FAR2: variants seen among roughly 807,000 people sequenced by gnomAD.
The protein encoded by FAR2 is fatty acyl-CoA reductase 2, also known as epididymis secretory protein Li 81.
A neutral mutation model predicts 56.0 loss-of-function variants in FAR2; 19 were observed. The observed-to-expected ratio is 0.34, with a 90% CI of 0.24 to 0.50. The LOEUF is 0.50. FAR2 is among the 20% of genes least tolerant of loss of function. The probability of loss-of-function intolerance (pLI) is 0.98; values close to 1 mark genes in which losing one functional copy is unlikely to be tolerated. For missense variants in FAR2, 508 were observed against 642.2 expected, an observed-to-expected ratio of 0.79 and a Z score of 2.26; for synonymous variants, 219 against 218.8, an observed-to-expected ratio of 1.00 and a Z score of -0.01.
At chr12:29,325,707 A>T (rs1180137643) in intron 10 of FAR2, among the ~76,000 whole-genome samples, 1 of 152,236 alleles carries the variant, frequency 6.6e-6, no homozygotes, top group Non-Finnish European at 1.5e-5. Flanking sequence ...ACCAACGAGA[A>T]CAAAGACACA....
intron 2 of FAR2, among the ~76,000 whole-genome samples, chr12:29,274,232 C>T (rs1382482232): frequency 1.5e-5 from 2 of 134,548 alleles, no homozygotes; most frequent in Non-Finnish European, 3.1e-5. Flanking sequence ...TGTGATGTTC[C>T]CCTTCCTGTG....
At chr12:29,160,819 G>A (rs777285385) in intron 1 of FAR2, among the ~76,000 whole-genome samples, 21 of 151,804 alleles carry the variant, frequency 1.4e-4, no homozygotes, top group Non-Finnish European at 2.6e-4. Flanking sequence ...TATGGGATTA[G>A]GGACCCCCCC....
At chr12:29,228,124 A>G (rs1428966271) in intron 1 of FAR2, among the ~76,000 whole-genome samples, 1 of 150,220 alleles carries the variant, frequency 6.7e-6, no homozygotes, top group Non-Finnish European at 1.5e-5. Flanking sequence ...TAGAACTTAG[A>G]GTATAATAAA....
intron 1 of FAR2, among the ~76,000 whole-genome samples, chr12:29,238,003 C>G (rs943308653): frequency 1.3e-4 from 20 of 152,196 alleles, no homozygotes; most frequent in African/African-American, 4.6e-4. Flanking sequence ...GTAAAATATT[C>G]ATCTAATGAG....
intron 1 of FAR2, among the ~76,000 whole-genome samples, chr12:29,201,602 A>C (rs1438373664): frequency 6.6e-6 from 1 of 152,172 alleles, no homozygotes; most frequent in African/African-American, 2.4e-5. Flanking sequence ...ATTACAGTGA[A>C]ACTTATAAGA....
chr12:29,302,236 GAAAAAAAA>G (rs57752714), intron 4 of FAR2, among the ~76,000 whole-genome samples: 17 of 93,082 alleles, frequency 1.8e-4, no homozygotes, highest in Admixed American at 1.2e-3. Flanking sequence ...CATCTCAAAG[GAAAAAAAA>G]AAAAAAAAAA....
chr12:29,205,315 G>A (rs932646680), intron 1 of FAR2, among the ~76,000 whole-genome samples: 1 of 152,178 alleles, frequency 6.6e-6, no homozygotes, highest in Non-Finnish European at 1.5e-5. Flanking sequence ...CAGGGATAAA[G>A]CATTATTTTA....
intron 1 of FAR2, among the ~76,000 whole-genome samples, chr12:29,245,115 G>A (rs1380552530): frequency 6.6e-6 from 1 of 152,002 alleles, no homozygotes; most frequent in African/African-American, 2.4e-5. Context: ...CGAGTAGCTG[G>A]GACTACAGGC....
intron 2 of FAR2, among the ~76,000 whole-genome samples, chr12:29,279,523 T>C (rs1948753269): frequency 1.3e-5 from 2 of 152,354 alleles, no homozygotes; most frequent in South Asian, 4.1e-4. Flanking sequence ...CTGAGTTTAG[T>C]ACACAAATTC....
At chr12:29,194,521 C>CCACACA (rs3222956) in intron 1 of FAR2, among the ~76,000 whole-genome samples, 41,876 of 140,590 alleles carry the variant, frequency 0.3, 7,271 homozygotes, top group Admixed American at 0.45. Context: ...GCTAGTGATG[C>CCACACA]CACACACACA....
At chr12:29,286,170 CTAT>C (rs1054130643) in intron 2 of FAR2, among the ~76,000 whole-genome samples, 3 of 151,986 alleles carry the variant, frequency 2.0e-5, no homozygotes, top group Non-Finnish European at 4.4e-5. Context: ...GGGAATTTTC[CTAT>C]TATTAGGGAA....
intron 1 of FAR2, among the ~76,000 whole-genome samples, chr12:29,155,220 C>T (rs1017108517): frequency 4.6e-5 from 7 of 152,240 alleles, no homozygotes; most frequent in African/African-American, 1.4e-4. Context: ...GAAGACTCCC[C>T]AGGGCCTCTT....
intron 1 of FAR2, among the ~76,000 whole-genome samples, chr12:29,189,582 G>A (rs1317091467): frequency 2.0e-5 from 3 of 152,112 alleles, no homozygotes; most frequent in Admixed American, 2.0e-4. Context: ...ATTGACTCTA[G>A]GCCCTCTCAG....
At chr12:29,247,606 C>T (rs973709154) in intron 1 of FAR2, among the ~76,000 whole-genome samples, 2 of 152,128 alleles carry the variant, frequency 1.3e-5, no homozygotes, top group African/African-American at 4.8e-5. Flanking sequence ...GGTTGAATAA[C>T]ACATTGAGAT....
intron 2 of FAR2, among the ~76,000 whole-genome samples, chr12:29,284,919 G>T (rs1226507077): frequency 6.6e-6 from 1 of 152,108 alleles, no homozygotes. Flanking sequence ...TCGGCTCACT[G>T]CAAGCTCCAC....
chr12:29,207,826 G>T (rs1565471346), intron 1 of FAR2, among the ~76,000 whole-genome samples: 1 of 152,138 alleles, frequency 6.6e-6, no homozygotes, highest in African/African-American at 2.4e-5. Flanking sequence ...GACCTTTAAA[G>T]AAAATAAATT....
intron 1 of FAR2, among the ~76,000 whole-genome samples, chr12:29,213,541 T>G (rs935472764): frequency 1.3e-5 from 2 of 152,002 alleles, no homozygotes; most frequent in African/African-American, 4.8e-5. Flanking sequence ...AATACAAAAA[T>G]TAACCGGGTG....
intron 1 of FAR2, among the ~76,000 whole-genome samples, chr12:29,263,693 G>T (rs753739677): frequency 7.0e-6 from 1 of 142,318 alleles, no homozygotes; most frequent in Non-Finnish European, 1.6e-5. Flanking sequence ...CATGTACAAC[G>T]TACTAAGAAT....
At chr12:29,260,260 A>G (rs2136691612) in intron 1 of FAR2, among the ~76,000 whole-genome samples, 1 of 152,212 alleles carries the variant, frequency 6.6e-6, no homozygotes, top group East Asian at 1.9e-4. Context: ...GAATCAAGCC[A>G]TATCTTGAAT....
Sources: gnomAD v4.1 joint callset for allele counts (sites outside exome capture counted in the v4.1 genomes callset) on GRCh38, gnomAD v4.1.1 for gene constraint, MANE v1.5 for transcripts, NCBI Gene and HGNC (gene_info 2026-07-23, HGNC 2026-07-21) for gene names.